Variants in FAM76A observed in about 807,000 individuals in gnomAD.
The protein encoded by FAM76A is family with sequence similarity 76 member A, also known as protein FAM76A.
Under a neutral mutation model 46.2 loss-of-function variants are expected in FAM76A, and 32 were observed. The observed-to-expected ratio is 0.69, with a 90% CI of 0.52 to 0.93. The LOEUF (loss-of-function observed/expected upper bound fraction) is 0.93. Among genes scored for constraint, FAM76A ranks in the 40% least tolerant of loss-of-function variants. The pLI is 0.00. For synonymous variants in FAM76A, 137 were observed against 127.0 expected (o/e 1.08, Z -0.53); for missense variants, 274 against 361.5 (o/e 0.76, Z 1.96).
rs922115413 is a variant in FAM76A at position 27,733,917 on chromosome 1, G to A, written c.202-114G>A. On this transcript the variant is annotated intron_variant, in intron 3 of 8. Transcript: ENST00000373954. Reference sequence around the variant, plus strand: ...AATATAAAAGCAGATTTATGAAGTCGGCAATACATTTGTACCATGACTAAT... The same window carrying A: ...AATATAAAAGCAGATTTATGAAGTCAGCAATACATTTGTACCATGACTAAT... 1.1e-4 allele frequency: 109 copies of A among 982,598 alleles called. No homozygotes were observed. The African/African-American group carries it at 1.6e-3, about 14-fold the overall frequency. 60.9% of individuals were successfully genotyped at this position (982,598 alleles called of 1,614,324 possible).
Position 27,734,037 on chromosome 1 carries a change from C to G in FAM76A, c.208C>G (p.Pro70Ala), listed in dbSNP as rs2088003003. Reference protein sequence around the residue: ...QNVQLYGTPKPCQYCNIIAAF... With the variant: ...QNVQLYGTPKACQYCNIIAAF... ...TCTTTTTTCCCCTTTTAAGCCCAAACCTTGTCAGTATTGCAACATAATTGC... is the reference window on the plus strand; with the variant it reads ...TCTTTTTTCCCCTTTTAAGCCCAAAGCTTGTCAGTATTGCAACATAATTGC... The change falls in exon 4 of 9, where the codon CCT becomes GCT. Residue 70 changes from proline (P) to alanine (A), a missense_variant. Pro to Ala is a conservative substitution (Grantham distance 27, BLOSUM62 -1). Transcript: ENST00000373954. 3.1e-6 allele frequency: 5 copies of G among 1,605,722 alleles called. No homozygotes were observed. The highest frequency in any genetic ancestry group is 1.7e-4 in the Middle Eastern group (1 of 6,048).
rs894857884 is a variant in FAM76A, at chr1:27,742,145, C to T, written c.355-2509C>T. Among the ~76,000 whole-genome samples, 6 of 152,098 alleles carry T rather than the reference C, an allele frequency of 3.9e-5. No individual in the cohort carries two copies. The South Asian group carries it at 6.2e-4, about 16-fold the overall frequency. On this transcript the variant is annotated intron_variant, in intron 4 of 8. Transcript: ENST00000373954. ...ATAAAACACTTCAGGTAAATGATGA[C>T]GTGGCCTACCCATGTTCAAGATGAG...
chr1:27,728,123 TTC>T (rs1213148396), intron 2 of FAM76A, among the ~76,000 whole-genome samples: 1 of 150,982 alleles, frequency 6.6e-6, no homozygotes, highest in Non-Finnish European at 1.5e-5. Context: ...ATTTTTAAAG[TTC>T]TTTTTAAGAC....
intron 6 of FAM76A, 127 bp from the exon 7 acceptor site, chr1:27,755,068 C>T: frequency 1.0e-6 from 1 of 993,800 alleles, no homozygotes; most frequent in Non-Finnish European, 1.5e-6. Flanking sequence ...ATGTGTGGTG[C>T]AATGTGCTTG....
At chr1:27,733,081 T>C (rs187524315) in intron 3 of FAM76A, among the ~76,000 whole-genome samples, 55 of 152,078 alleles carry the variant, frequency 3.6e-4, no homozygotes, top group Middle Eastern at 3.4e-3. Flanking sequence ...TACAGGCACA[T>C]GCCACCACAC....
chr1:27,757,870 G>A (rs551935119), intron 7 of FAM76A, among the ~76,000 whole-genome samples: 6 of 152,000 alleles, frequency 3.9e-5, no homozygotes, highest in Admixed American at 6.5e-5. Context: ...CCAGCTACTC[G>A]GGAGGCTGAG....
chr1:27,737,892 A>AAC, intron 4 of FAM76A, among the ~76,000 whole-genome samples: 1 of 142,010 alleles, frequency 7.0e-6, no homozygotes, highest in Middle Eastern at 3.5e-3. Context: ...AAAAAAAAAA[A>AAC]CAGAAAAAAA....
rs376304703 is a variant in FAM76A, at chr1:27,761,882, C to T, written c.*1301C>T. ...AGGAGGCTGAGGCAGGAGAACTGCT[C>T]GAATCCCGGGAGGCAGAGGTTGCAA... is the stretch of plus-strand genomic sequence containing the variant. On this transcript the variant is annotated 3_prime_UTR_variant, in exon 9 of 9. Coordinates refer to ENST00000373954, the MANE Select transcript of FAM76A (RefSeq NM_152660.3). 2 of 149,378 alleles carry T rather than the reference C, an allele frequency of 1.3e-5. No homozygotes were observed. The highest frequency in any genetic ancestry group is 5.0e-5 in the African/African-American group (2 of 39,910). The allele number at this position is 149,378 out of a possible 1,614,324, so 9.3% of individuals were successfully genotyped here. A position where few individuals can be genotyped will look rare whatever the true frequency, so the allele number is the denominator to read the frequency against.
intron 1 of FAM76A, among the ~76,000 whole-genome samples, chr1:27,726,576 C>A (rs1257429344): frequency 6.6e-6 from 1 of 151,910 alleles, no homozygotes; most frequent in Non-Finnish European, 1.5e-5. Context: ...CGAACTCGGG[C>A]TCCTCACGGG....
intron 6 of FAM76A, among the ~76,000 whole-genome samples, chr1:27,750,226 G>A (rs1303719391): frequency 6.6e-6 from 1 of 152,158 alleles, no homozygotes; most frequent in East Asian, 1.9e-4. Flanking sequence ...TATTTAGAGG[G>A]ATACAAAACA....
In FAM76A at chr1:27,755,345, A is replaced by G. The variant is rs1285755302; in HGVS notation, c.735+15A>G. Reference sequence around the variant, plus strand: ...AAGAGAAGAAGGTATGGTTTAGTTAATTCCTCTCTGACCAGAATGATGCGA... The same window carrying G: ...AAGAGAAGAAGGTATGGTTTAGTTAGTTCCTCTCTGACCAGAATGATGCGA... On this transcript the variant is annotated intron_variant, in intron 7 of 8. Transcript: ENST00000373954. 6.2e-7 allele frequency: 1 copy of G among 1,613,784 alleles called. No homozygotes were observed. The highest frequency in any genetic ancestry group is 8.5e-7 in the Non-Finnish European group (1 of 1,179,846).
intron 2 of FAM76A, among the ~76,000 whole-genome samples, 197 bp from the exon 3 acceptor site, chr1:27,732,406 G>A (rs1043776313): frequency 6.6e-6 from 1 of 152,160 alleles, no homozygotes; most frequent in Middle Eastern, 3.4e-3. Context: ...CCAGCCTGGG[G>A]AACAGAGTGA....
intron 4 of FAM76A, among the ~76,000 whole-genome samples, chr1:27,741,984 G>A (rs889632820): frequency 6.6e-6 from 1 of 152,056 alleles, no homozygotes; most frequent in Non-Finnish European, 1.5e-5. Context: ...CATTTGGGCA[G>A]CTCTCACAGC....
chr1:27,756,839 T>G (rs1469675249), intron 7 of FAM76A, among the ~76,000 whole-genome samples: 1 of 151,924 alleles, frequency 6.6e-6, no homozygotes, highest in Non-Finnish European at 1.5e-5. Context: ...GCAGGCAGAT[T>G]GCTTGAGCCC....
intron 6 of FAM76A, among the ~76,000 whole-genome samples, chr1:27,752,880 C>T (rs558374554): frequency 6.6e-6 from 1 of 152,314 alleles, no homozygotes; most frequent in African/African-American, 2.4e-5. Flanking sequence ...TTAGTGAGGG[C>T]TGGGCACGGT....
At chr1:27,727,441 C>T (rs1243239637) in intron 1 of FAM76A, 31 bp from the exon 2 acceptor site, 1 of 1,602,258 alleles carries the variant, frequency 6.2e-7, no homozygotes, top group Non-Finnish European at 8.5e-7. Flanking sequence ...TTGTGACTGC[C>T]TTTTAAAATT....
At chr1:27,732,683 CAG>C (rs760352139) in intron 3 of FAM76A, 26 bp downstream of exon 3, 21 of 1,593,954 alleles carry the variant, frequency 1.3e-5, no homozygotes, top group African/African-American at 2.7e-5. Context: ...TCAAACCTAA[CAG>C]TGAGTACTAG....
At chr1:27,751,268 C>G (rs924688980) in intron 6 of FAM76A, among the ~76,000 whole-genome samples, 9 of 152,132 alleles carry the variant, frequency 5.9e-5, no homozygotes, top group Non-Finnish European at 1.2e-4. Flanking sequence ...TATTTTCATA[C>G]CCATTTAAAA....
intron 6 of FAM76A, among the ~76,000 whole-genome samples, chr1:27,753,410 GGTATTGAAACAGATGTGAGACTGCAGC>G (rs1557786515): frequency 6.6e-6 from 1 of 152,180 alleles, no homozygotes; most frequent in African/African-American, 2.4e-5. Context: ...GTCCTTAGCA[GGTATTGAAACAGATGTGAGACTGCAGC>G]TCTAAGGGTG....
Sources: allele counts gnomAD v4.1 joint callset (sites outside exome capture counted in the v4.1 genomes callset), GRCh38; gene constraint gnomAD v4.1.1; transcripts MANE v1.5; gene names NCBI Gene and HGNC (gene_info 2026-07-23, HGNC 2026-07-21).